MCPH1: variants seen among roughly 807,000 people sequenced by gnomAD.
MCPH1 encodes the protein microcephalin.
MCPH1 carries 104 observed loss-of-function variants against 84.5 expected under a neutral mutation model. The ratio of observed to expected loss-of-function variants is 1.23; its 90% CI spans 1.05 to 1.45. MCPH1 has a LOEUF of 1.45. Ranked by LOEUF, MCPH1 falls within the 40% of genes most tolerant of loss-of-function variation. The pLI, the probability that MCPH1 is intolerant of heterozygous loss-of-function variation, is 0.00. For missense variants in MCPH1, 1,498 were observed against 1,005.7 expected, an observed-to-expected ratio of 1.49 and a Z score of -6.62; for synonymous variants, 514 against 366.8, an observed-to-expected ratio of 1.40 and a Z score of -4.58.
intron 12 of MCPH1, among the ~76,000 whole-genome samples, chr8:6,505,753 CGT>C (rs1813505826): frequency 7.8e-6 from 1 of 127,952 alleles, no homozygotes; most frequent in African/African-American, 3.0e-5. Flanking sequence ...TTTATATATA[CGT>C]ATATATAGAA....
chr8:6,480,382 G>A (rs545657594), intron 10 of MCPH1, among the ~76,000 whole-genome samples: 1 of 152,086 alleles, frequency 6.6e-6, no homozygotes, highest in East Asian at 1.9e-4. Flanking sequence ...GCCTCCCAAA[G>A]TGCCGGGATT....
intron 12 of MCPH1, among the ~76,000 whole-genome samples, chr8:6,513,171 GT>G (rs1815521670): frequency 6.6e-6 from 1 of 152,108 alleles, no homozygotes; most frequent in African/African-American, 2.4e-5. Context: ...ACAAAATACT[GT>G]TTGTATGAAG....
chr8:6,431,756 T>G (rs949893238), intron 4 of MCPH1, among the ~76,000 whole-genome samples, 170 bp downstream of exon 4: 21 of 152,216 alleles, frequency 1.4e-4, no homozygotes, highest in African/African-American at 5.1e-4. Context: ...CAGAGATTAT[T>G]TTATCCTATG....
intron 12 of MCPH1, among the ~76,000 whole-genome samples, chr8:6,526,322 T>C (rs565557512): frequency 7.0e-6 from 1 of 143,146 alleles, no homozygotes; most frequent in Admixed American, 7.0e-5. Flanking sequence ...TAGTCCCAGC[T>C]ACTCAGGAGG....
chr8:6,483,694 T>C (rs1809506451), intron 11 of MCPH1, among the ~76,000 whole-genome samples: 1 of 152,084 alleles, frequency 6.6e-6, no homozygotes, highest in South Asian at 2.1e-4. Context: ...ACCCCGTCTC[T>C]ACCAAAAATA....
At chr8:6,638,908 G>C (rs1797745050) in intron 13 of MCPH1, among the ~76,000 whole-genome samples, 2 of 152,196 alleles carry the variant, frequency 1.3e-5, no homozygotes, top group Admixed American at 1.3e-4. Context: ...ATGCGCTTCA[G>C]ACCTCCCAGA....
chr8:6,539,731 C>T (rs761055322), intron 12 of MCPH1, among the ~76,000 whole-genome samples: 7 of 152,100 alleles, frequency 4.6e-5, no homozygotes, highest in East Asian at 1.9e-4. Flanking sequence ...GGGTTACAGG[C>T]GCACACCACC....
At chr8:6,519,850 G>A (rs1563334339) in intron 12 of MCPH1, 1 of 1,613,238 alleles carries the variant, frequency 6.2e-7, no homozygotes. Flanking sequence ...AGTAAGGGGA[G>A]ACGAATACCT....
intron 9 of MCPH1, among the ~76,000 whole-genome samples, chr8:6,456,881 C>A (rs1805737897): frequency 6.6e-6 from 1 of 152,138 alleles, no homozygotes; most frequent in South Asian, 2.1e-4. Flanking sequence ...GGACAGGCAT[C>A]CTGGGCGGGA....
rs143626859 is a variant in MCPH1, at chr8:6,571,618, G to C, written c.2215-49836G>C. Among the ~76,000 whole-genome samples, 88 of 152,100 alleles carry C rather than the reference G, an allele frequency of 5.8e-4. No homozygotes were observed. The East Asian group carries it at 0.014, about 24-fold the overall frequency. ...AATTATTGAGAAACCTTTTTAAAAA[G>C]AGATAAAAATGTCATATGTGCTATT... On this transcript the variant is annotated intron_variant, in intron 12 of 13. Transcript: ENST00000344683.
At chr8:6,615,563 C>T (rs1830707002) in intron 12 of MCPH1, 1 of 152,188 alleles carries the variant, frequency 6.6e-6, no homozygotes, top group Non-Finnish European at 1.5e-5. Context: ...CACAGGAAGG[C>T]CTTGCCAGGA....
chr8:6,518,578 C>T (rs1012693039), intron 12 of MCPH1, among the ~76,000 whole-genome samples: 1 of 152,162 alleles, frequency 6.6e-6, no homozygotes, highest in African/African-American at 2.4e-5. Context: ...GTTTCAAGTT[C>T]CAGGTCTTTA....
chr8:6,421,500 C>G (rs770979744), intron 3 of MCPH1, among the ~76,000 whole-genome samples: 2 of 151,428 alleles, frequency 1.3e-5, no homozygotes, highest in East Asian at 1.9e-4. Context: ...CCCTGCCATA[C>G]TGTTTATTTT....
At chr8:6,633,300 C>T (rs1797301979) in intron 13 of MCPH1, among the ~76,000 whole-genome samples, 1 of 152,132 alleles carries the variant, frequency 6.6e-6, no homozygotes, top group Non-Finnish European at 1.5e-5. Context: ...CAAAGAGAGT[C>T]AATAAACTGT....
chr8:6,620,655 C>G (rs541825890), intron 12 of MCPH1, among the ~76,000 whole-genome samples: 1 of 152,262 alleles, frequency 6.6e-6, no homozygotes, highest in African/African-American at 2.4e-5. Context: ...CAAAACAAAA[C>G]GTGGATGGCA....
intron 10 of MCPH1, among the ~76,000 whole-genome samples, chr8:6,478,959 G>T (rs1392435601): frequency 1.3e-5 from 2 of 152,114 alleles, no homozygotes; most frequent in African/African-American, 4.8e-5. Flanking sequence ...ACATACCTAA[G>T]ATCACTAGAG....
chr8:6,604,706 T>C (rs1260816561), intron 12 of MCPH1, among the ~76,000 whole-genome samples: 2 of 152,254 alleles, frequency 1.3e-5, no homozygotes, highest in Non-Finnish European at 1.5e-5. Context: ...GGTTTCACCA[T>C]GTTGGCCAGA....
chr8:6,495,249 C>A (rs754173144), intron 11 of MCPH1, among the ~76,000 whole-genome samples: 1 of 152,164 alleles, frequency 6.6e-6, no homozygotes, highest in Non-Finnish European at 1.5e-5. Flanking sequence ...AACTTCATTG[C>A]TACACTATTT....
chr8:6,465,780 C>T (rs1167316434), intron 9 of MCPH1, among the ~76,000 whole-genome samples: 4 of 152,086 alleles, frequency 2.6e-5, no homozygotes, highest in Admixed American at 2.0e-4. Flanking sequence ...CTCAGACACG[C>T]GGTAAGGTAG....
Sources: gnomAD v4.1 joint callset for allele counts (sites outside exome capture counted in the v4.1 genomes callset) on GRCh38, gnomAD v4.1.1 for gene constraint, MANE v1.5 for transcripts, NCBI Gene and HGNC (gene_info 2026-07-23, HGNC 2026-07-21) for gene names.